Variants in ADAMTSL3 observed in about 807,000 individuals in gnomAD.
ADAMTSL3 encodes the protein ADAMTS like 3.
A neutral mutation model predicts 201.7 loss-of-function variants in ADAMTSL3; 128 were observed. The observed-to-expected ratio is 0.63, with a 90% CI of 0.55 to 0.73. The LOEUF is 0.73. Ranked by LOEUF, ADAMTSL3 falls within the 30% of genes least tolerant of loss-of-function variation. The pLI is 0.00. For missense variants in ADAMTSL3, 1,990 were observed against 2,119.6 expected (o/e 0.94, Z 1.20); for synonymous variants, 738 against 748.4 (o/e 0.99, Z 0.23).
intron 10 of ADAMTSL3, among the ~76,000 whole-genome samples, chr15:83,886,421 T>G (rs540282083): frequency 6.6e-6 from 1 of 152,328 alleles, no homozygotes; most frequent in Admixed American, 6.5e-5. Flanking sequence ...TATTCCTGTC[T>G]TATGCATGAA....
intron 6 of ADAMTSL3, among the ~76,000 whole-genome samples, chr15:83,822,011 A>G (rs1425293705): frequency 1.1e-5 from 1 of 87,282 alleles, no homozygotes; most frequent in Admixed American, 1.3e-4. Flanking sequence ...GACCTCCCCC[A>G]CCTCCCTCCC....
Position 83,892,833 on chromosome 15 carries a change from T to G in ADAMTSL3, c.1412T>G (p.Met471Arg). 6.2e-7 allele frequency: 1 copy of G among 1,614,146 alleles called. No homozygotes were observed. Among genetic ancestry groups the G allele is most frequent in the Non-Finnish European group, 8.5e-7 (1 of 1,180,020 alleles). Residue 471 changes from methionine to arginine, a missense_variant, in exon 13 of 30, where the codon ATG becomes AGG. Transcript: ENST00000286744. ...KCMYAPKPKV[M>R]QTCNLFDCPK... ...ATGTACGCACCCAAACCCAAGGTTATGCAAACTTGTAATCTGTTTGATTGC... is the reference window on the plus strand; with the variant it reads ...ATGTACGCACCCAAACCCAAGGTTAGGCAAACTTGTAATCTGTTTGATTGC...
chr15:83,862,303 A>G (rs1239387682), intron 8 of ADAMTSL3: 2 of 152,246 alleles, frequency 1.3e-5, no homozygotes, highest in Non-Finnish European at 2.9e-5. Flanking sequence ...GAGCAACTGC[A>G]ACACACATAA....
chr15:83,663,402 G>A lies in ADAMTSL3; in HGVS notation c.69+7572G>A, dbSNP rs566267336. Among the ~76,000 whole-genome samples the A allele has an allele frequency of 2.0e-5, 3 of 152,160 alleles. No homozygotes were observed. In the South Asian group the frequency reaches 6.2e-4, roughly 32 times the overall value. Reference sequence around the variant, plus strand: ...CATAATGGCATAAGTGGCATTATGTGTTATTTAAACCCATTATTTCCTTAT... The same window carrying A: ...CATAATGGCATAAGTGGCATTATGTATTATTTAAACCCATTATTTCCTTAT... On this transcript the variant is annotated intron_variant, in intron 2 of 29. Coordinates refer to ENST00000286744, the MANE Select transcript of ADAMTSL3 (RefSeq NM_207517.3).
chr15:83,866,514 AAAAC>A (rs1488193290), intron 8 of ADAMTSL3, among the ~76,000 whole-genome samples: 4 of 152,188 alleles, frequency 2.6e-5, no homozygotes, highest in African/African-American at 9.7e-5. Flanking sequence ...CAAGGACAAA[AAAAC>A]AAACACTGTG....
chr15:83,744,277 C>T (rs1193723527), intron 3 of ADAMTSL3, among the ~76,000 whole-genome samples: 9 of 152,118 alleles, frequency 5.9e-5, no homozygotes, highest in East Asian at 1.9e-4. Flanking sequence ...AAACCACACA[C>T]GTGACTTAAT....
intron 4 of ADAMTSL3, among the ~76,000 whole-genome samples, chr15:83,792,466 A>G (rs2063358826): frequency 1.3e-5 from 2 of 152,216 alleles, no homozygotes; most frequent in Admixed American, 1.3e-4. Flanking sequence ...GCTACTATGA[A>G]AAACAGTATA....
At chr15:83,708,367 T>C (rs1212026042) in intron 3 of ADAMTSL3, among the ~76,000 whole-genome samples, 1 of 152,228 alleles carries the variant, frequency 6.6e-6, no homozygotes, top group Non-Finnish European at 1.5e-5. Flanking sequence ...ATGAAGACCT[T>C]CAGGTCATTC....
At chr15:83,920,351 A>G (rs748530263) in intron 16 of ADAMTSL3, among the ~76,000 whole-genome samples, 5 of 152,102 alleles carry the variant, frequency 3.3e-5, no homozygotes, top group Non-Finnish European at 7.3e-5. Flanking sequence ...CTCAGGCTCC[A>G]GTGGTTTATG....
chr15:83,677,874 C>G (rs1306244937), intron 2 of ADAMTSL3, among the ~76,000 whole-genome samples: 1 of 151,380 alleles, frequency 6.6e-6, no homozygotes, highest in Non-Finnish European at 1.5e-5. Flanking sequence ...TTCTTGCCTT[C>G]CTGTGGGTTA....
At chr15:83,791,958 A>G (rs2063352288) in intron 4 of ADAMTSL3, among the ~76,000 whole-genome samples, 2 of 152,186 alleles carry the variant, frequency 1.3e-5, no homozygotes, top group Admixed American at 6.5e-5. Context: ...GCTCTATGAC[A>G]TTTGTCTGGG....
At chr15:83,977,166 A>C (rs2067303155) in intron 20 of ADAMTSL3, among the ~76,000 whole-genome samples, 1 of 152,156 alleles carries the variant, frequency 6.6e-6, no homozygotes, top group Non-Finnish European at 1.5e-5. Flanking sequence ...TGCGCATGCG[A>C]GGGATCTAGG....
intron 26 of ADAMTSL3, among the ~76,000 whole-genome samples, chr15:84,022,388 A>G (rs1170281498): frequency 6.6e-6 from 1 of 152,230 alleles, no homozygotes. Flanking sequence ...AAAAATATCG[A>G]CTTCACAAGA....
intron 9 of ADAMTSL3, among the ~76,000 whole-genome samples, chr15:83,882,241 T>C (rs1041643140): frequency 6.6e-6 from 1 of 152,016 alleles, no homozygotes; most frequent in African/African-American, 2.4e-5. Context: ...ATTGGGGAGA[T>C]TCATCAGAAA....
At chr15:83,881,203 A>G (rs1278542972) in intron 9 of ADAMTSL3, among the ~76,000 whole-genome samples, 1 of 152,246 alleles carries the variant, frequency 6.6e-6, no homozygotes, top group Non-Finnish European at 1.5e-5. Flanking sequence ...GAATTGAAAT[A>G]ACTTGAACCA....
rs145644054 is a variant in ADAMTSL3 at position 84,025,315 on chromosome 15, G to A, written c.4535G>A (p.Arg1512Gln). Residue 1512 changes from arginine to glutamine, a missense_variant, in exon 27 of 30, where the codon CGG (arginine) becomes CAG (glutamine). By Grantham distance (43) the Arg-to-Gln change is conservative. Transcript: ENST00000286744. ...CACAGTCGGCAGGTGACGTGCAAGC[G>A]GACAAAAGCCAATGGAACTGTGCAG... is the stretch of plus-strand genomic sequence containing the variant. ...GYHSRQVTCK[R>Q]TKANGTVQVV... 238 of 1,614,100 alleles carry A rather than the reference G, an allele frequency of 1.5e-4. 1 individual carries two copies. The African/African-American group carries it at 2.4e-3, about 16-fold the overall frequency.
chr15:83,892,589 A>C, intron 12 of ADAMTSL3, 95 bp from the exon 13 acceptor site: 2 of 1,244,428 alleles, frequency 1.6e-6, no homozygotes, highest in African/African-American at 3.0e-5. Context: ...GCTGAACCAC[A>C]ATTGATACCT....
chr15:83,714,500 C>T (rs2061973333), intron 3 of ADAMTSL3, among the ~76,000 whole-genome samples: 1 of 152,200 alleles, frequency 6.6e-6, no homozygotes, highest in South Asian at 2.1e-4. Flanking sequence ...TTTGTACACA[C>T]TGTTCCTCCC....
chr15:83,886,926 G>A (rs911602889), intron 10 of ADAMTSL3, among the ~76,000 whole-genome samples: 9 of 152,318 alleles, frequency 5.9e-5, no homozygotes, highest in Admixed American at 5.2e-4. Context: ...AGACTGAATA[G>A]TGCCACAGAA....
Sources: gnomAD v4.1 joint callset for allele counts (sites outside exome capture counted in the v4.1 genomes callset) on GRCh38, gnomAD v4.1.1 for gene constraint, MANE v1.5 for transcripts, NCBI Gene and HGNC (gene_info 2026-07-23, HGNC 2026-07-21) for gene names.